Variants in WWOX observed in about 807,000 individuals in gnomAD.
The protein encoded by WWOX is WW domain-containing oxidoreductase.
WWOX carries 69 observed loss-of-function variants against 46.2 expected under a neutral mutation model. That is an observed-to-expected ratio of 1.49 (90% CI 1.23 to 1.82). The LOEUF (loss-of-function observed/expected upper bound fraction) is 1.82. Among genes scored for constraint, WWOX ranks in the 40% most tolerant of loss-of-function variants. The pLI is 0.00. For missense variants in WWOX, 919 were observed against 542.6 expected, an observed-to-expected ratio of 1.69 and a Z score of -6.89; for synonymous variants, 359 against 202.6, an observed-to-expected ratio of 1.77 and a Z score of -6.56.
At chr16:78,206,971 T>C (rs2036415764) in intron 5 of WWOX, among the ~76,000 whole-genome samples, 1 of 152,204 alleles carries the variant, frequency 6.6e-6, no homozygotes. Context: ...ATCTGCATAG[T>C]GTTTCATCAA....
intron 8 of WWOX, among the ~76,000 whole-genome samples, chr16:78,837,488 C>T (rs1236085772): frequency 6.6e-6 from 1 of 152,162 alleles, no homozygotes; most frequent in East Asian, 1.9e-4. Context: ...AAGGCTTGTT[C>T]AAAGGCCTTT....
chr16:78,653,421 T>A (rs948199898), intron 8 of WWOX, among the ~76,000 whole-genome samples: 1 of 152,236 alleles, frequency 6.6e-6, no homozygotes. Context: ...CTCTAATGAT[T>A]AGTCTAAGCC....
chr16:79,035,112 C>T (rs1301104887), intron 8 of WWOX, among the ~76,000 whole-genome samples: 2 of 151,980 alleles, frequency 1.3e-5, no homozygotes, highest in African/African-American at 4.8e-5. Flanking sequence ...ACACTTTTTT[C>T]AAGAAAAAAT....
chr16:78,294,836 G>C (rs1444701245), intron 5 of WWOX, among the ~76,000 whole-genome samples: 1 of 152,180 alleles, frequency 6.6e-6, no homozygotes, highest in Admixed American at 6.5e-5. Flanking sequence ...GATTGTGAAT[G>C]AACAAACTAA....
At chr16:78,862,228 GTATC>G (rs1362366855) in intron 8 of WWOX, among the ~76,000 whole-genome samples, 9 of 138,648 alleles carry the variant, frequency 6.5e-5, no homozygotes, top group Non-Finnish European at 1.2e-4. Context: ...GTGTCTGTCT[GTATC>G]TATACACACC....
chr16:78,706,039 C>G (rs916907462), intron 8 of WWOX, among the ~76,000 whole-genome samples: 2 of 144,380 alleles, frequency 1.4e-5, no homozygotes, highest in African/African-American at 2.6e-5. Context: ...TACTTTGTCT[C>G]CAGTCAGAGT....
intron 4 of WWOX, among the ~76,000 whole-genome samples, chr16:78,141,426 C>G (rs372076691): frequency 0.055 from 6,992 of 126,506 alleles, 204 homozygotes; most frequent in Non-Finnish European, 0.068. Context: ...CCACCATCCC[C>G]CTTCTTTTTT....
At chr16:79,072,877 G>A (rs150518703) in intron 8 of WWOX, among the ~76,000 whole-genome samples, 5 of 152,270 alleles carry the variant, frequency 3.3e-5, no homozygotes, top group African/African-American at 1.2e-4. Context: ...TTTCTGGCCT[G>A]AATTTGGGCT....
At chr16:78,786,001 G>A (rs1179688879) in intron 8 of WWOX, among the ~76,000 whole-genome samples, 2 of 152,172 alleles carry the variant, frequency 1.3e-5, no homozygotes. Context: ...CCGCCTCCTG[G>A]GTTCAAGCGA....
chr16:78,385,980 G>T (rs1023180836), intron 5 of WWOX, among the ~76,000 whole-genome samples: 2 of 152,204 alleles, frequency 1.3e-5, no homozygotes, highest in African/African-American at 2.4e-5. Flanking sequence ...ATTTGTCCTT[G>T]CAGAATGATG....
chr16:78,166,257 C>A (rs925545865), intron 5 of WWOX, among the ~76,000 whole-genome samples: 4 of 151,850 alleles, frequency 2.6e-5, no homozygotes, highest in Non-Finnish European at 5.9e-5. Flanking sequence ...AATATTCCAT[C>A]ATGTGCTTAT....
intron 8 of WWOX, among the ~76,000 whole-genome samples, chr16:78,435,836 T>C (rs1208548949): frequency 1.3e-5 from 2 of 152,178 alleles, no homozygotes; most frequent in East Asian, 3.8e-4. Context: ...AAAATTGTGA[T>C]ACAGGTTAGT....
Position 78,695,712 on chromosome 16 carries a change from A to G in WWOX, c.1056+262960A>G, listed in dbSNP as rs114484308. Among the ~76,000 whole-genome samples, 1,429 of 152,348 alleles carry G rather than the reference A, an allele frequency of 9.4e-3. 31 individuals carry two copies. The highest frequency in any genetic ancestry group is 0.033 in the African/African-American group (1,368 of 41,578). On this transcript the variant is annotated intron_variant, in intron 8 of 8. Transcript: ENST00000566780. ...AATGGATCAAAGGAATGAAGGATCA[A>G]GTTGTCAGCCAAGAGAACCAAGAGC...
In WWOX at chr16:78,432,374, C is replaced by T. The variant is rs577455430; in HGVS notation, c.792-114C>T. The stretch of plus-strand genomic sequence containing the variant: ...ACTCGTCTAAGACTCCCAAAGTGCT[C>T]GGATTACAGATGTGAGCCACTGCAC... On this transcript the variant is annotated intron_variant, in intron 7 of 8. Transcript: ENST00000566780. 527 of 1,412,366 alleles carry T rather than the reference C, an allele frequency of 3.7e-4. 3 individuals are homozygous for T. The African/African-American group carries it at 6.7e-3, about 18-fold the overall frequency. The allele number at this position is 1,412,366 out of a possible 1,614,324, so 87.5% of individuals were successfully genotyped here.
chr16:78,679,647 A>C (rs890805565), intron 8 of WWOX, among the ~76,000 whole-genome samples: 2 of 152,234 alleles, frequency 1.3e-5, no homozygotes, highest in African/African-American at 4.8e-5. Context: ...ACAAGCTCCT[A>C]TTCCTGTTTC....
intron 5 of WWOX, among the ~76,000 whole-genome samples, chr16:78,347,289 T>G (rs1166828702): frequency 1.7e-5 from 2 of 115,832 alleles, no homozygotes; most frequent in Non-Finnish European, 4.1e-5. Flanking sequence ...CCAATGCTCC[T>G]TCCCCTGTAG....
At chr16:78,613,062 G>C (rs1011010660) in intron 8 of WWOX, among the ~76,000 whole-genome samples, 3 of 151,228 alleles carry the variant, frequency 2.0e-5, no homozygotes, top group African/African-American at 7.4e-5. Context: ...GAGTTTGTAG[G>C]AAACTGTGCT....
chr16:78,863,204 C>T (rs1414394983), intron 8 of WWOX, among the ~76,000 whole-genome samples: 2 of 152,266 alleles, frequency 1.3e-5, no homozygotes, highest in South Asian at 4.1e-4. Context: ...GTGATCCACC[C>T]GCCTTGGCCT....
intron 5 of WWOX, among the ~76,000 whole-genome samples, chr16:78,188,001 C>T (rs1243674243): frequency 1.3e-5 from 2 of 152,282 alleles, no homozygotes; most frequent in South Asian, 2.1e-4. Flanking sequence ...AACATCACTT[C>T]ATTCATTGTA....
Sources: gnomAD v4.1 joint callset for allele counts (sites outside exome capture counted in the v4.1 genomes callset) on GRCh38, gnomAD v4.1.1 for gene constraint, MANE v1.5 for transcripts, NCBI Gene and HGNC (gene_info 2026-07-23, HGNC 2026-07-21) for gene names.